The following ATP10A variants were observed in gnomAD, a reference collection of about 807,000 sequenced individuals.
ATP10A encodes phospholipid-transporting ATPase VA.
Under a neutral mutation model 147.8 loss-of-function variants are expected in ATP10A, and 111 were observed. The observed-to-expected ratio is 0.75, with a 90% CI of 0.64 to 0.88. The LOEUF (loss-of-function observed/expected upper bound fraction) is 0.88, where lower values mean the gene tolerates loss of function less well. Among genes scored for constraint, ATP10A ranks in the 40% least tolerant of loss-of-function variants. The pLI, the probability that ATP10A is intolerant of heterozygous loss-of-function variation, is 0.00. For missense variants in ATP10A, 1,927 were observed against 1,959.0 expected (o/e 0.98, Z 0.31); for synonymous variants, 875 against 841.6 (o/e 1.04, Z -0.69).
chr15:25,696,030 G>A (rs1900318922), intron 13 of ATP10A, among the ~76,000 whole-genome samples: 1 of 152,108 alleles, frequency 6.6e-6, no homozygotes, highest in African/African-American at 2.4e-5. Context: ...CAGCACTAGG[G>A]ATCAGGGGCA....
Position 25,706,529 on chromosome 15 carries a change from C to T in ATP10A, c.2575+1447G>A, listed in dbSNP as rs566082951. 2.6e-5 allele frequency among the ~76,000 whole-genome samples: 4 copies of T among 152,328 alleles called. No individual in the cohort carries two copies. The East Asian group carries it at 7.7e-4, about 29-fold the overall frequency. On this transcript the variant is annotated intron_variant, in intron 12 of 20. Transcript: ENST00000555815. The stretch of plus-strand genomic sequence containing the variant: ...CAGCCTGCATGACCAGCCCGCATGA[C>T]CAGCTTGCAGTGGCAGAGCAGGGCT...
chr15:25,741,223 C>T (rs1887567257), intron 2 of ATP10A, among the ~76,000 whole-genome samples: 1 of 152,188 alleles, frequency 6.6e-6, no homozygotes, highest in South Asian at 2.1e-4. Flanking sequence ...ATCACAGTGC[C>T]TGGCACACAC....
intron 2 of ATP10A, among the ~76,000 whole-genome samples, chr15:25,752,849 A>G (rs1482748128): frequency 1.3e-5 from 2 of 152,060 alleles, no homozygotes; most frequent in East Asian, 3.9e-4. Context: ...GCAACGTTTT[A>G]TAGTTTTCAG....
chr15:25,836,653 C>T (rs978563570), intron 1 of ATP10A, among the ~76,000 whole-genome samples: 1 of 152,204 alleles, frequency 6.6e-6, no homozygotes, highest in African/African-American at 2.4e-5. Context: ...CAGCTTTGTC[C>T]CTACCTCTAG....
chr15:25,681,125 T>G, intron 17 of ATP10A, 51 bp from the exon 18 acceptor site: 3 of 1,556,856 alleles, frequency 1.9e-6, no homozygotes, highest in Non-Finnish European at 1.8e-6. Context: ...TGGCATCCTC[T>G]GTGAAAGCAG....
chr15:25,862,737 G>A lies in ATP10A; in HGVS notation c.360C>T (p.Ala120=), dbSNP rs1893821469. ...CCCACAGGTCCCTGAAGGCCGTGAT[G>A]GCCAGGATGAAGAGCACCGGCGCCA... ...LALAPVLFIL[A]ITAFRDLWED... Residue 120 remains alanine, a synonymous_variant, in exon 1 of 21, where the codon GCC becomes GCT. Transcript: ENST00000555815. 1 of 1,612,446 alleles carries A rather than the reference G, an allele frequency of 6.2e-7. No homozygotes were observed. Among genetic ancestry groups the A allele is most frequent in the Non-Finnish European group, 8.5e-7 (1 of 1,179,440 alleles).
intron 1 of ATP10A, among the ~76,000 whole-genome samples, chr15:25,838,974 C>A (rs1596981827): frequency 1.3e-5 from 2 of 152,298 alleles, no homozygotes; most frequent in Non-Finnish European, 2.9e-5. Context: ...CAAGCTGGGT[C>A]ATTCAGGAAT....
intron 2 of ATP10A, among the ~76,000 whole-genome samples, chr15:25,750,281 G>C (rs941849114): frequency 6.6e-6 from 1 of 151,974 alleles, no homozygotes; most frequent in African/African-American, 2.4e-5. Context: ...TGACACTGGA[G>C]CAACATCTTT....
intron 1 of ATP10A, among the ~76,000 whole-genome samples, chr15:25,816,539 T>C (rs931588135): frequency 2.0e-5 from 3 of 152,202 alleles, no homozygotes; most frequent in African/African-American, 7.2e-5. Context: ...TTCTGTGCAA[T>C]TTTTAGAGAG....
intron 14 of ATP10A, among the ~76,000 whole-genome samples, chr15:25,693,612 C>T (rs897165834): frequency 9.2e-5 from 14 of 152,148 alleles, no homozygotes; most frequent in African/African-American, 2.7e-4. Flanking sequence ...GCCTGAAGAC[C>T]GTTTCCAGCT....
chr15:25,746,554 C>A (rs967286760), intron 2 of ATP10A, among the ~76,000 whole-genome samples: 5 of 152,184 alleles, frequency 3.3e-5, no homozygotes, highest in African/African-American at 1.2e-4. Flanking sequence ...CAAGTACTCA[C>A]ACAACACTGA....
At chr15:25,827,816 G>A (rs1291789858) in intron 1 of ATP10A, among the ~76,000 whole-genome samples, 1 of 152,202 alleles carries the variant, frequency 6.6e-6, no homozygotes, top group Non-Finnish European at 1.5e-5. Context: ...TACATTAAAT[G>A]TAAATGGTCA....
At chr15:25,726,314 GGAAA>G (rs1340266508) in intron 4 of ATP10A, among the ~76,000 whole-genome samples, 3 of 152,110 alleles carry the variant, frequency 2.0e-5, no homozygotes, top group Non-Finnish European at 4.4e-5. Flanking sequence ...AGAACGAAAT[GGAAA>G]GAAATACACT....
intron 12 of ATP10A, among the ~76,000 whole-genome samples, chr15:25,703,142 G>A (rs1281686543): frequency 6.6e-6 from 1 of 152,182 alleles, no homozygotes; most frequent in Non-Finnish European, 1.5e-5. Context: ...CGGGTCACTT[G>A]AGGTCAGGAG....
chr15:25,705,816 G>A (rs1039791855), intron 12 of ATP10A, among the ~76,000 whole-genome samples: 3 of 152,208 alleles, frequency 2.0e-5, no homozygotes, highest in African/African-American at 7.2e-5. Flanking sequence ...ACATTTATGT[G>A]GGCTACTGCA....
At position 25,711,964 on chromosome 15, in the gene ATP10A, G is replaced by C. The variant is rs150433315; in HGVS notation, c.2344+1710C>G. Among the ~76,000 whole-genome samples the C allele has an allele frequency of 2.4e-3, 362 of 152,284 alleles. 6 individuals carry two copies. In the East Asian group the frequency reaches 0.032, roughly 14 times the overall value. The stretch of plus-strand genomic sequence containing the variant: ...AACGAGGAAATCCCTGGCTCACTCA[G>C]GGGCCTCTGGAGGCCAGGCCACCAC... On this transcript the variant is annotated intron_variant, in intron 10 of 20. Coordinates refer to ENST00000555815, the MANE Select transcript of ATP10A (RefSeq NM_024490.4).
intron 1 of ATP10A, among the ~76,000 whole-genome samples, chr15:25,810,188 A>G (rs1891367247): frequency 6.6e-6 from 1 of 151,934 alleles, no homozygotes; most frequent in Non-Finnish European, 1.5e-5. Context: ...GAGCAGGAAA[A>G]CCATTCTCAT....
chr15:25,828,920 G>C (rs558866244), intron 1 of ATP10A, among the ~76,000 whole-genome samples: 22 of 152,216 alleles, frequency 1.4e-4, no homozygotes, highest in African/African-American at 5.1e-4. Context: ...AAATGGAATT[G>C]TTCACTCAAA....
intron 15 of ATP10A, 52 bp downstream of exon 15, chr15:25,691,663 A>G: frequency 6.3e-7 from 1 of 1,585,524 alleles, no homozygotes; most frequent in Non-Finnish European, 8.7e-7. Context: ...GTGACAGGAC[A>G]AGAGGTCAGT....
Sources: allele counts gnomAD v4.1 joint callset (sites outside exome capture counted in the v4.1 genomes callset), GRCh38; gene constraint gnomAD v4.1.1; transcripts MANE v1.5; gene names NCBI Gene and HGNC (gene_info 2026-07-23, HGNC 2026-07-21).